Variants in MTMR12 observed in about 807,000 individuals in gnomAD.
MTMR12 encodes myotubularin related protein 12, also known as myotubularin-related protein 12.
Under a neutral mutation model 96.7 loss-of-function variants are expected in MTMR12, and 33 were observed. The observed-to-expected ratio is 0.34, with a 90% CI of 0.26 to 0.46. The LOEUF (loss-of-function observed/expected upper bound fraction) is 0.46, where lower values mean the gene tolerates loss of function less well. Ranked by LOEUF, MTMR12 falls within the 20% of genes least tolerant of loss-of-function variation. The pLI, the probability that MTMR12 is intolerant of heterozygous loss-of-function variation, is 1.00. For missense variants in MTMR12, 721 were observed against 896.1 expected (o/e 0.80, Z 2.49); for synonymous variants, 298 against 327.2 (o/e 0.91, Z 0.96).
rs546817487 is a variant in MTMR12 at position 32,257,837 on chromosome 5, T to C, written c.714-2069A>G. 3.3e-5 allele frequency among the ~76,000 whole-genome samples: 5 copies of C among 152,078 alleles called. No homozygotes were observed. The South Asian group carries it at 6.2e-4, about 19-fold the overall frequency. The stretch of plus-strand genomic sequence containing the variant: ...CTTGGACTGGGCATGGTAGCTCACA[T>C]TGTAATATCACCTGAGTTCAGGAGT... On this transcript the variant is annotated intron_variant, in intron 7 of 15. Transcript: ENST00000382142.
intron 1 of MTMR12, among the ~76,000 whole-genome samples, chr5:32,304,416 T>C (rs943809976): frequency 6.6e-6 from 1 of 152,242 alleles, no homozygotes. Context: ...TTGCTTTGGT[T>C]AAGGTACCAT....
At chr5:32,234,929 T>G in intron 14 of MTMR12, 33 bp downstream of exon 14, 1 of 1,570,146 alleles carries the variant, frequency 6.4e-7, no homozygotes, top group Non-Finnish European at 8.7e-7. Context: ...AAGAAGCCTC[T>G]TTAATACACA....
At chr5:32,242,443 TA>T (rs928338899) in intron 11 of MTMR12, among the ~76,000 whole-genome samples, 34 of 152,302 alleles carry the variant, frequency 2.2e-4, no homozygotes, top group African/African-American at 7.7e-4. Flanking sequence ...GCAAGATTCA[TA>T]AAAATCCATA....
chr5:32,292,800 A>T (rs1477133122), intron 1 of MTMR12, among the ~76,000 whole-genome samples: 1 of 152,276 alleles, frequency 6.6e-6, no homozygotes, highest in Non-Finnish European at 1.5e-5. Context: ...CTGAAGGCAA[A>T]GGGAATACAG....
intron 5 of MTMR12, among the ~76,000 whole-genome samples, chr5:32,269,033 C>CTT (rs749738249): frequency 1.4e-5 from 2 of 147,146 alleles, no homozygotes; most frequent in Non-Finnish European, 1.5e-5. Flanking sequence ...TTATTTTTAA[C>CTT]TTTTTTTTTT....
chr5:32,308,597 A>C (rs558523372), intron 1 of MTMR12, among the ~76,000 whole-genome samples: 29 of 150,030 alleles, frequency 1.9e-4, no homozygotes, highest in African/African-American at 6.9e-4. Context: ...ACCCCTTCCT[A>C]CCTTTATCTT....
chr5:32,298,848 G>A (rs1219194540), intron 1 of MTMR12, among the ~76,000 whole-genome samples: 1 of 151,606 alleles, frequency 6.6e-6, no homozygotes, highest in East Asian at 1.9e-4. Flanking sequence ...AGCTACTCTG[G>A]AGGCTGAGGC....
chr5:32,231,157 A>G (rs1009824286), intron 15 of MTMR12, among the ~76,000 whole-genome samples: 2 of 152,158 alleles, frequency 1.3e-5, no homozygotes. Context: ...TGGGAGACCG[A>G]GGCGGGCAGA....
intron 1 of MTMR12, among the ~76,000 whole-genome samples, chr5:32,293,689 G>A (rs777636831): frequency 5.9e-5 from 9 of 152,146 alleles, no homozygotes; most frequent in Non-Finnish European, 1.0e-4. Flanking sequence ...CACAAACCCT[G>A]TGTTCCCTGG....
At chr5:32,253,861 C>T (rs928586545) in intron 8 of MTMR12, among the ~76,000 whole-genome samples, 3 of 152,214 alleles carry the variant, frequency 2.0e-5, no homozygotes, top group African/African-American at 7.2e-5. Context: ...CGGGTTCAAG[C>T]GATCTGCCTG....
intron 1 of MTMR12, among the ~76,000 whole-genome samples, chr5:32,282,970 T>C (rs1312927213): frequency 6.6e-6 from 1 of 152,182 alleles, no homozygotes; most frequent in Non-Finnish European, 1.5e-5. Context: ...AGAATGAACA[T>C]AGCTGAATGA....
intron 1 of MTMR12, among the ~76,000 whole-genome samples, chr5:32,294,389 G>A (rs1327383442): frequency 1.3e-5 from 2 of 151,510 alleles, no homozygotes; most frequent in Admixed American, 6.6e-5. Flanking sequence ...TGCAACTTCT[G>A]CCTCCCAGGT....
rs1361785823 is a variant in MTMR12, at chr5:32,229,327, A to C, written c.*451T>G. ...CCTCTATCTGAATCTTCAACTCCCC[A>C]TACAAATACATAAAGCTGAACTTGC... On this transcript the variant is annotated 3_prime_UTR_variant, in exon 16 of 16. Coordinates refer to ENST00000382142, the MANE Select transcript of MTMR12 (RefSeq NM_001040446.3). The C allele has an allele frequency of 6.5e-6, 1 of 153,970 alleles. No homozygotes were observed. The highest frequency in any genetic ancestry group is 2.4e-5 in the African/African-American group (1 of 41,530). 9.5% of individuals were successfully genotyped at this position (153,970 alleles called of 1,614,324 possible).
intron 1 of MTMR12, among the ~76,000 whole-genome samples, chr5:32,297,621 T>C (rs917906024): frequency 2.6e-5 from 4 of 152,020 alleles, no homozygotes; most frequent in African/African-American, 7.2e-5. Flanking sequence ...TCACTCTGTT[T>C]TGACAGCTCA....
intron 12 of MTMR12, among the ~76,000 whole-genome samples, chr5:32,239,589 T>A (rs1308200793): frequency 6.6e-6 from 1 of 152,066 alleles, no homozygotes; most frequent in Admixed American, 6.5e-5. Flanking sequence ...GTCACTGAAC[T>A]CCTCCTGGGG....
chr5:32,253,056 A>G (rs182982410), intron 8 of MTMR12, among the ~76,000 whole-genome samples: 279 of 152,342 alleles, frequency 1.8e-3, no homozygotes, highest in African/African-American at 6.5e-3. Context: ...TTCAACCTGC[A>G]TTTTGTGCCC....
At chr5:32,246,607 C>T (rs903091228) in intron 10 of MTMR12, among the ~76,000 whole-genome samples, 2 of 152,184 alleles carry the variant, frequency 1.3e-5, no homozygotes, top group Admixed American at 6.5e-5. Flanking sequence ...CGCAAATTAA[C>T]GTGGACAGTT....
intron 1 of MTMR12, among the ~76,000 whole-genome samples, chr5:32,299,610 C>T (rs1751057928): frequency 6.6e-6 from 1 of 152,136 alleles, no homozygotes; most frequent in South Asian, 2.1e-4. Context: ...AGGAAGAAGG[C>T]AAGAGGAACC....
rs1465497347 is a variant in MTMR12 at position 32,312,633 on chromosome 5, GC to G, written c.81+124del. On this transcript the variant is annotated intron_variant, in intron 1 of 15. Transcript: ENST00000382142. The surrounding 1 kb of genome is among the most constrained non-coding windows in gnomAD (Gnocchi z 5.0). ...TCCTGCGGCCTCAGCCCGCCTGGCT[GC>G]CCCGTCGCCCGGCACAAGGGCAGGA... 6.7e-6 allele frequency: 6 copies of G among 895,556 alleles called. No individual in the cohort carries two copies. The highest frequency in any genetic ancestry group is 8.7e-6 in the Non-Finnish European group (6 of 693,418). 55.5% of individuals were successfully genotyped at this position (895,556 alleles called of 1,614,324 possible). A position where few individuals can be genotyped will look rare whatever the true frequency, so the allele number is the denominator to read the frequency against.
Sources: gnomAD v4.1 joint callset for allele counts (sites outside exome capture counted in the v4.1 genomes callset) on GRCh38, gnomAD v4.1.1 for gene constraint, Gnocchi (gnomAD v3.1) non-coding constraint, MANE v1.5 for transcripts, NCBI Gene and HGNC (gene_info 2026-07-23, HGNC 2026-07-21) for gene names.